Variants in TNRC18 observed in about 807,000 individuals in gnomAD.
TNRC18 encodes the protein trinucleotide repeat containing 18.
Under a neutral mutation model 226.7 loss-of-function variants are expected in TNRC18, and 69 were observed. The observed-to-expected ratio is 0.30, with a 90% confidence interval of 0.25 to 0.37. The LOEUF is 0.37. Ranked by LOEUF, TNRC18 falls within the 10% of genes least tolerant of loss-of-function variation. The pLI is 1.00. For missense variants in TNRC18, 4,754 were observed against 4,256.6 expected, an observed-to-expected ratio of 1.12 and a Z score of -3.25; for synonymous variants, 2,449 against 1,927.6, an observed-to-expected ratio of 1.27 and a Z score of -7.09.
At chr7:5,353,564 A>G (rs1162766323) in intron 16 of TNRC18, among the ~76,000 whole-genome samples, 1 of 101,696 alleles carries the variant, frequency 9.8e-6, no homozygotes, top group Non-Finnish European at 2.0e-5. Context: ...CATCTAAAGA[A>G]AAAAAAAAAA....
At chr7:5,387,040 C>A (rs369280209) in intron 5 of TNRC18, among the ~76,000 whole-genome samples, 21 of 152,286 alleles carry the variant, frequency 1.4e-4, no homozygotes, top group African/African-American at 3.9e-4. Context: ...TGCCATTGGA[C>A]TCCAGCCTGG....
Position 5,345,720 on chromosome 7 carries a change from C to G in TNRC18, c.5561G>C (p.Arg1854Pro). Residue 1854 changes from arginine to proline, a missense_variant, in exon 18 of 30, where the codon CGG (arginine) becomes CCG (proline). Physicochemically the swap from Arg to Pro is moderately radical, Grantham distance 103. Transcript: ENST00000430969. ...GGGYRLGARE[R>P]ALSPGLEESG... ...CTCCTCCAGGCCCGGTGACAGGGCC[C>G]GCTCCCGGGCACCCAGCCTGTAGCC... 1 of 1,548,534 alleles carries G rather than the reference C, an allele frequency of 6.5e-7. No individual in the cohort carries two copies. Among genetic ancestry groups the G allele is most frequent in the East Asian group, 2.4e-5 (1 of 40,872 alleles).
intron 16 of TNRC18, among the ~76,000 whole-genome samples, chr7:5,353,766 G>A (rs904863278): frequency 5.9e-5 from 9 of 152,086 alleles, no homozygotes; most frequent in African/African-American, 1.4e-4. Flanking sequence ...ACAGAGGAGC[G>A]CTCTGCAGAG....
At chr7:5,319,875 C>G (rs1048994524) in intron 24 of TNRC18, among the ~76,000 whole-genome samples, 1 of 152,152 alleles carries the variant, frequency 6.6e-6, no homozygotes, top group African/African-American at 2.4e-5. Flanking sequence ...TCTTTCTCAG[C>G]CCACGAATAA....
At chr7:5,345,176 C>T (rs1224943156) in intron 18 of TNRC18, among the ~76,000 whole-genome samples, 1 of 152,192 alleles carries the variant, frequency 6.6e-6, no homozygotes, top group Non-Finnish European at 1.5e-5. Context: ...GCACCTGTGT[C>T]TCGGGTAACC....
At chr7:5,320,287 G>A (rs760141243) in intron 24 of TNRC18, 31 bp downstream of exon 24, 3 of 1,508,990 alleles carry the variant, frequency 2.0e-6, no homozygotes, top group Non-Finnish European at 9.0e-7. Flanking sequence ...ATGTTAGGCG[G>A]CAGGGGAGAG....
In TNRC18 at chr7:5,421,136, G is replaced by C. The variant is rs1435450941; in HGVS notation, c.111C>G (p.Arg37=). 3 of 1,440,008 alleles carry C rather than the reference G, an allele frequency of 2.1e-6. No individual in the cohort carries two copies. Among genetic ancestry groups the C allele is most frequent in the Non-Finnish European group, 2.7e-6 (3 of 1,092,240 alleles). 89.2% of individuals were successfully genotyped at this position (1,440,008 alleles called of 1,614,324 possible). A position where few individuals can be genotyped will look rare whatever the true frequency, so the allele number is the denominator to read the frequency against. The part of the protein sequence containing the change: ...SHRVGAATAG[R]LPASGLPGPL... ...GGCCGGGCAAGCCCGAGGCGGGCAA[G>C]CGTCCGGCAGTGGCCGCGCCCACGC... Residue 37 remains arginine (R), a synonymous_variant, in exon 2 of 30, where the codon CGC becomes CGG. Transcript: ENST00000430969.
At chr7:5,322,283 AATCATCATC>A (rs60369027) in intron 21 of TNRC18, among the ~76,000 whole-genome samples, 1 of 149,390 alleles carries the variant, frequency 6.7e-6, no homozygotes, top group South Asian at 2.1e-4. Flanking sequence ...CCGTCTCAAT[AATCATCATC>A]ATCATCATCA....
intron 16 of TNRC18, among the ~76,000 whole-genome samples, chr7:5,352,925 C>T (rs897330799): frequency 1.3e-5 from 2 of 152,374 alleles, no homozygotes; most frequent in East Asian, 1.9e-4. Context: ...ACGGGGGGAA[C>T]GTGAACCAAC....
Position 5,320,306 on chromosome 7 carries a change from G to A in TNRC18, c.6745+12C>T. On this transcript the variant is annotated intron_variant, in intron 24 of 29. Coordinates refer to ENST00000430969, the MANE Select transcript of TNRC18 (RefSeq NM_001080495.3). ...TAGGCGGCAGGGGAGAGCTGGGGAG[G>A]AGGCATCTCACCTCGGACCACAGTG... The A allele has an allele frequency of 1.3e-6, 2 of 1,545,440 alleles. No individual in the cohort carries two copies. Among genetic ancestry groups the A allele is most frequent in the Non-Finnish European group, 1.8e-6 (2 of 1,141,960 alleles).
chr7:5,309,067 G>A lies in TNRC18; in HGVS notation c.8625+65C>T, dbSNP rs377698940. 1.2e-4 allele frequency: 177 copies of A among 1,506,568 alleles called. No homozygotes were observed. In the East Asian group the frequency reaches 2.7e-3, roughly 23 times the overall value. The allele number at this position is 1,506,568 out of a possible 1,614,324, so 93.3% of individuals were successfully genotyped here. A position where few individuals can be genotyped will look rare whatever the true frequency, so the allele number is the denominator to read the frequency against. On this transcript the variant is annotated intron_variant, in intron 28 of 29. Transcript: ENST00000430969. This position sits in a 1 kb window ranked among gnomAD's most constrained non-coding sequence, Gnocchi z 5.7. Reference sequence around the variant, plus strand: ...CTGCTGATGCTCCAGCACCCAGAACGCCTCGCCCTCAGGTCTGCCCTACAC... The same window carrying A: ...CTGCTGATGCTCCAGCACCCAGAACACCTCGCCCTCAGGTCTGCCCTACAC...
At position 5,388,750 on chromosome 7, in the gene TNRC18, G is replaced by GCTC; in HGVS notation, c.1073_1074insGAG (p.Thr358_Val359insSer). On this transcript the variant is annotated inframe_insertion, in exon 5 of 30. Coordinates refer to ENST00000430969, the MANE Select transcript of TNRC18 (RefSeq NM_001080495.3). ...GCTCACGGCCCTGCTCGCGGAAGACGGTGTAGACGCCGGCGGGGGTGGCCG... is the reference window on the plus strand; with the variant it reads ...GCTCACGGCCCTGCTCGCGGAAGACGCTCGTGTAGACGCCGGCGGGGGTGGCCG... The GCTC allele has an allele frequency of 8.0e-7, 1 of 1,245,012 alleles. No individual in the cohort carries two copies. The highest frequency in any genetic ancestry group is 1.0e-6 in the Non-Finnish European group (1 of 992,460). The allele number at this position is 1,245,012 out of a possible 1,614,324, so 77.1% of individuals were successfully genotyped here. A position where few individuals can be genotyped will look rare whatever the true frequency, so the allele number is the denominator to read the frequency against.
At position 5,371,358 on chromosome 7, in the gene TNRC18, G is replaced by A. The variant is rs561638948; in HGVS notation, c.3236C>T (p.Pro1079Leu). ...CAGGGCTTGGAACGGGTACCTGGGCGGGATATCTGCCAAGGACACAGGGGT... is the reference window on the plus strand; with the variant it reads ...CAGGGCTTGGAACGGGTACCTGGGCAGGATATCTGCCAAGGACACAGGGGT... ...SPFQALFSDI[P>L]PRYPFQALPP... Residue 1079 changes from proline to leucine, a missense_variant, in exon 11 of 30, where the codon CCG (proline) becomes CTG (leucine). By Grantham distance (98) the Pro-to-Leu change is moderately conservative (BLOSUM62 -3). Coordinates refer to ENST00000430969, the MANE Select transcript of TNRC18 (RefSeq NM_001080495.3). 28 of 1,508,020 alleles carry A rather than the reference G, an allele frequency of 1.9e-5. No individual in the cohort carries two copies. Among genetic ancestry groups the A allele is most frequent in the Middle Eastern group, 1.8e-4 (1 of 5,580 alleles). The allele number at this position is 1,508,020 out of a possible 1,614,324, so 93.4% of individuals were successfully genotyped here. A position where few individuals can be genotyped will look rare whatever the true frequency, so the allele number is the denominator to read the frequency against.
chr7:5,334,610 A>G (rs1789900516), intron 18 of TNRC18, among the ~76,000 whole-genome samples: 1 of 151,958 alleles, frequency 6.6e-6, no homozygotes, highest in Non-Finnish European at 1.5e-5. Flanking sequence ...AAGACTTTCC[A>G]ACTTTCCACT....
intron 9 of TNRC18, 147 bp from the exon 10 acceptor site, chr7:5,374,631 C>T: frequency 1.3e-6 from 1 of 775,748 alleles, no homozygotes; most frequent in South Asian, 1.9e-5. Context: ...CCGTCCCAGG[C>T]CAGAGACAGA....
At position 5,370,357 on chromosome 7, in the gene TNRC18, G is replaced by C. The variant is rs1794024791; in HGVS notation, c.4219+18C>G. ...AAAACTCACGAATCTGCAGAACTCA[G>C]AGGTCGCGCACTCTCACCTCCCATC... On this transcript the variant is annotated intron_variant, in intron 11 of 29. Coordinates refer to ENST00000430969, the MANE Select transcript of TNRC18 (RefSeq NM_001080495.3). The C allele has an allele frequency of 1.3e-6, 2 of 1,531,818 alleles. No individual in the cohort carries two copies. Among genetic ancestry groups the C allele is most frequent in the South Asian group, 1.2e-5 (1 of 83,398 alleles). The allele number at this position is 1,531,818 out of a possible 1,614,324, so 94.9% of individuals were successfully genotyped here.
intron 2 of TNRC18, among the ~76,000 whole-genome samples, chr7:5,404,070 T>G (rs1048470515): frequency 6.6e-6 from 1 of 152,210 alleles, no homozygotes; most frequent in Admixed American, 6.5e-5. Flanking sequence ...ATTCTCAGAA[T>G]GCCATAAGAA....
rs567953519 is a variant in TNRC18, at chr7:5,307,481, T to C, written c.*625A>G. 6 of 440,858 alleles carry C rather than the reference T, an allele frequency of 1.4e-5. No homozygotes were observed. Among genetic ancestry groups the C allele is most frequent in the South Asian group, 8.0e-5 (5 of 62,174 alleles). The allele number at this position is 440,858 out of a possible 1,614,324, so 27.3% of individuals were successfully genotyped here. The stretch of plus-strand genomic sequence containing the variant: ...GAGGGTTTGGACCAGGGTGGGCCTG[T>C]GCCGGGCCCTCTCCACCTGGTGCCT... On this transcript the variant is annotated 3_prime_UTR_variant, in exon 30 of 30. Coordinates refer to ENST00000430969, the MANE Select transcript of TNRC18 (RefSeq NM_001080495.3).
intron 16 of TNRC18, among the ~76,000 whole-genome samples, chr7:5,353,058 C>CCA (rs34577800): frequency 0.2 from 30,023 of 152,102 alleles, 3,192 homozygotes; most frequent in African/African-American, 0.26. Context: ...CAGCAAGACC[C>CCA]CAACCTCAGG....
Sources: gnomAD v4.1 joint callset for allele counts (sites outside exome capture counted in the v4.1 genomes callset) on GRCh38, gnomAD v4.1.1 for gene constraint, Gnocchi (gnomAD v3.1) non-coding constraint, MANE v1.5 for transcripts, NCBI Gene and HGNC (gene_info 2026-07-23, HGNC 2026-07-21) for gene names.